The following EVI5 variants were observed in gnomAD, a reference collection of about 807,000 sequenced individuals.
EVI5 encodes ecotropic viral integration site 5, also known as ecotropic viral integration site 5 protein homolog.
A neutral mutation model predicts 112.0 loss-of-function variants in EVI5; 73 were observed. The observed-to-expected ratio is 0.65, with a 90% confidence interval of 0.54 to 0.79. The LOEUF is 0.79. Ranked by LOEUF, EVI5 falls within the 30% of genes least tolerant of loss-of-function variation. EVI5 has a pLI of 0.00. For synonymous variants in EVI5, 305 were observed against 319.9 expected, an observed-to-expected ratio of 0.95 and a Z score of 0.50; for missense variants, 900 against 968.8, an observed-to-expected ratio of 0.93 and a Z score of 0.94.
Position 92,771,936 on chromosome 1 carries a change from C to T in EVI5, c.-82+12900G>A, listed in dbSNP as rs541095013. 3.6e-3 allele frequency among the ~76,000 whole-genome samples: 547 copies of T among 152,146 alleles called. 6 individuals are homozygous for T. The highest frequency in any genetic ancestry group is 0.02 in the Middle Eastern group (6 of 294). On this transcript the variant is annotated intron_variant, in intron 1 of 19. Transcript: ENST00000684568. ...ATGGTGCAATCTCAGCTCACTGCAA[C>T]CTCCGCCTCCTGGGTTCAAGCAATT...
intron 19 of EVI5, among the ~76,000 whole-genome samples, chr1:92,560,780 G>T (rs1668401316): frequency 6.6e-6 from 1 of 151,820 alleles, no homozygotes; most frequent in Non-Finnish European, 1.5e-5. Context: ...GCTCGGGCTG[G>T]TCTCGAACTC....
chr1:92,684,869 C>A (rs112618970), intron 9 of EVI5, among the ~76,000 whole-genome samples: 11 of 151,790 alleles, frequency 7.2e-5, no homozygotes, highest in African/African-American at 2.2e-4. Flanking sequence ...CCTAAATATA[C>A]ATGCACCCAA....
At chr1:92,686,824 C>T (rs1248337521) in intron 9 of EVI5, among the ~76,000 whole-genome samples, 21 of 151,994 alleles carry the variant, frequency 1.4e-4, no homozygotes, top group Admixed American at 1.4e-3. Flanking sequence ...CCTGGGAATA[C>T]AACTTACAAG....
In EVI5 at chr1:92,611,424, C is replaced by T. The variant is rs190051556; in HGVS notation, c.1828-3697G>A. Among the ~76,000 whole-genome samples the T allele has an allele frequency of 4.6e-3, 693 of 151,634 alleles. 3 individuals are homozygous for T. The highest frequency in any genetic ancestry group is 6.3e-3 in the Admixed American group (96 of 15,238). On this transcript the variant is annotated intron_variant, in intron 16 of 19. Transcript: ENST00000684568. ...ATTTATTTTAAGAAAGTGGGCCGGG[C>T]GTGGTGGCTCACACCTGTAATCCCA...
At chr1:92,567,055 C>A (rs1669606573) in intron 18 of EVI5, among the ~76,000 whole-genome samples, 2 of 152,052 alleles carry the variant, frequency 1.3e-5, no homozygotes, top group Admixed American at 6.5e-5. Context: ...GTTCCGCCCA[C>A]CCGCCTTGGC....
chr1:92,608,082 T>A (rs534041398), intron 16 of EVI5, among the ~76,000 whole-genome samples: 18 of 149,098 alleles, frequency 1.2e-4, no homozygotes, highest in African/African-American at 4.2e-4. Context: ...ACCCAGGAGG[T>A]GGAGCCTGCA....
intron 1 of EVI5, among the ~76,000 whole-genome samples, chr1:92,754,942 T>C (rs1398056010): frequency 6.6e-6 from 1 of 152,200 alleles, no homozygotes; most frequent in Non-Finnish European, 1.5e-5. Flanking sequence ...TAAAAGGGCA[T>C]GTTTATATGA....
At chr1:92,719,700 A>G (rs1424823553) in intron 2 of EVI5, among the ~76,000 whole-genome samples, 1 of 152,054 alleles carries the variant, frequency 6.6e-6, no homozygotes, top group South Asian at 2.1e-4. Flanking sequence ...TCGCCAGGGT[A>G]ATCAGGCAAG....
intron 19 of EVI5, among the ~76,000 whole-genome samples, chr1:92,541,576 T>C (rs1278613132): frequency 6.6e-6 from 1 of 152,190 alleles, no homozygotes; most frequent in African/African-American, 2.4e-5. Context: ...TAGTTAAACA[T>C]ACAGTTACCA....
intron 16 of EVI5, among the ~76,000 whole-genome samples, chr1:92,613,224 G>C (rs1056522169): frequency 6.6e-6 from 1 of 152,182 alleles, no homozygotes; most frequent in Admixed American, 6.5e-5. Flanking sequence ...GGGTGGGCAG[G>C]AGCACTAAAG....
intron 2 of EVI5, among the ~76,000 whole-genome samples, chr1:92,721,240 C>T (rs1004577273): frequency 2.0e-5 from 3 of 152,064 alleles, no homozygotes; most frequent in East Asian, 3.8e-4. Context: ...ATGTTTATTG[C>T]GGCACTATTC....
chr1:92,694,049 G>T (rs1669917514), intron 8 of EVI5, 150 bp from the exon 9 acceptor site: 1 of 654,246 alleles, frequency 1.5e-6, no homozygotes, highest in African/African-American at 1.8e-5. Context: ...ATCACTTCAG[G>T]TCAGGAGTTC....
At chr1:92,594,642 G>A (rs1305640811) in intron 18 of EVI5, among the ~76,000 whole-genome samples, 1 of 151,854 alleles carries the variant, frequency 6.6e-6, no homozygotes, top group Non-Finnish European at 1.5e-5. Flanking sequence ...CTACAGAATG[G>A]GAGAAAATTT....
At chr1:92,753,014 G>T (rs1680422273) in intron 1 of EVI5, among the ~76,000 whole-genome samples, 1 of 151,974 alleles carries the variant, frequency 6.6e-6, no homozygotes, top group Admixed American at 6.6e-5. Flanking sequence ...TGACATGAGG[G>T]CAAAACACTA....
chr1:92,645,545 T>C (rs968623005), intron 13 of EVI5, among the ~76,000 whole-genome samples: 9 of 152,178 alleles, frequency 5.9e-5, no homozygotes, highest in Non-Finnish European at 1.2e-4. Context: ...TCTTTGCAAC[T>C]GAGACTATTT....
chr1:92,597,001 CCAA>C (rs1648063199), intron 18 of EVI5, among the ~76,000 whole-genome samples: 1 of 151,798 alleles, frequency 6.6e-6, no homozygotes, highest in Non-Finnish European at 1.5e-5. Flanking sequence ...TCATTTGATC[CCAA>C]CAACTATAAG....
chr1:92,695,147 A>G (rs1670100527), intron 7 of EVI5, among the ~76,000 whole-genome samples, 163 bp downstream of exon 7: 1 of 152,200 alleles, frequency 6.6e-6, no homozygotes, highest in Non-Finnish European at 1.5e-5. Flanking sequence ...TAAAAACAGT[A>G]TCTACCTGAT....
rs1237087404 is a variant in EVI5 at position 92,513,742 on chromosome 1, T to C, written c.2395A>G (p.Ser799Gly). 1.9e-6 allele frequency: 3 copies of C among 1,613,842 alleles called. No individual in the cohort carries two copies. Among genetic ancestry groups the C allele is most frequent in the Non-Finnish European group, 2.5e-6 (3 of 1,179,934 alleles). ...TTGCTCTCTCTGGTCTCCAGCACAC[T>C]GTCTTCTGTTTCGCTCTCACTACCA... is the stretch of plus-strand genomic sequence containing the variant. ...ADGSESETED[S>G]VLETRESNQV... is the part of the protein sequence containing the mutation. Residue 799 changes from serine to glycine, a missense_variant, in exon 20 of 20, where the codon AGT becomes GGT. Physicochemically the swap from Ser to Gly is moderately conservative, Grantham distance 56 (BLOSUM62 0). Transcript: ENST00000684568.
chr1:92,756,124 C>T (rs1199385137), intron 1 of EVI5: 14 of 316,192 alleles, frequency 4.4e-5, no homozygotes, highest in Non-Finnish European at 2.0e-5. Context: ...TAAGCTGGAA[C>T]AGCTCAACAG....
Sources: gnomAD v4.1 joint callset for allele counts (sites outside exome capture counted in the v4.1 genomes callset) on GRCh38, gnomAD v4.1.1 for gene constraint, MANE v1.5 for transcripts, NCBI Gene and HGNC (gene_info 2026-07-23, HGNC 2026-07-21) for gene names.